ARPP21: variants seen among roughly 807,000 people sequenced by gnomAD.
ARPP21 encodes cAMP-regulated phosphoprotein 21.
In ARPP21, 69 loss-of-function variants were observed where a neutral mutation model predicts 113.2. The ratio of observed to expected loss-of-function variants is 0.61; its 90% CI spans 0.50 to 0.74. The LOEUF is 0.74. Among genes scored for constraint, ARPP21 ranks in the 30% least tolerant of loss-of-function variants. ARPP21 has a pLI of 0.00. For synonymous variants in ARPP21, 368 were observed against 375.5 expected, an observed-to-expected ratio of 0.98 and a Z score of 0.23; for missense variants, 1,070 against 1,037.4, an observed-to-expected ratio of 1.03 and a Z score of -0.43.
intron 19 of ARPP21, among the ~76,000 whole-genome samples, chr3:35,753,117 A>G (rs1455262972): frequency 6.6e-6 from 1 of 150,654 alleles, no homozygotes; most frequent in Non-Finnish European, 1.5e-5. Flanking sequence ...TTTTAGCCAG[A>G]TCTCTTGGTG....
chr3:35,727,827 G>T (rs983363022), intron 14 of ARPP21, among the ~76,000 whole-genome samples: 4 of 152,056 alleles, frequency 2.6e-5, no homozygotes, highest in Non-Finnish European at 4.4e-5. Flanking sequence ...GGGTACTGGG[G>T]TTGCTTGTCT....
At chr3:35,753,227 T>C (rs912359724) in intron 19 of ARPP21, among the ~76,000 whole-genome samples, 1 of 151,930 alleles carries the variant, frequency 6.6e-6, no homozygotes, top group African/African-American at 2.4e-5. Context: ...CTAATTCAAA[T>C]ATAAATAAGA....
intron 19 of ARPP21, among the ~76,000 whole-genome samples, chr3:35,770,661 T>C (rs1437766205): frequency 1.3e-5 from 2 of 152,180 alleles, no homozygotes; most frequent in Non-Finnish European, 2.9e-5. Context: ...ATTTCACAAT[T>C]GCTGAGCACT....
At chr3:35,774,726 G>A (rs991104801) in intron 19 of ARPP21, 6 of 152,144 alleles carry the variant, frequency 3.9e-5, no homozygotes, top group Non-Finnish European at 8.8e-5. Context: ...GTACAATTAA[G>A]TAGAAAAGTG....
At chr3:35,792,108 G>T in intron 19 of ARPP21, 1 of 298,568 alleles carries the variant, frequency 3.3e-6, no homozygotes, top group Non-Finnish European at 6.2e-6. Context: ...TTCTGTTTTT[G>T]TGCCATGAAT....
rs1392026448 is a variant in ARPP21, at chr3:35,746,868, A to G, written c.2137+2903A>G. ...TAAGACTTAAAACTCTACACAGTGA[A>G]TTTTTGTAAAGTGAACTGGACACTA... On this transcript the variant is annotated intron_variant, in intron 19 of 20. Coordinates refer to ENST00000684406, the MANE Select transcript of ARPP21 (RefSeq NM_001385562.1). Among the ~76,000 whole-genome samples the G allele has an allele frequency of 3.3e-5, 5 of 152,166 alleles. No individual in the cohort carries two copies. In the East Asian group the frequency reaches 9.6e-4, roughly 29 times the overall value.
intron 1 of ARPP21, among the ~76,000 whole-genome samples, chr3:35,673,871 T>C (rs980642593): frequency 1.3e-5 from 2 of 152,008 alleles, no homozygotes; most frequent in Non-Finnish European, 2.9e-5. Context: ...TCATGTCAGA[T>C]ATAATGATTA....
chr3:35,687,389 A>G (rs2063648), intron 5 of ARPP21, among the ~76,000 whole-genome samples: 63,039 of 150,236 alleles, frequency 0.42, 13,538 homozygotes, highest in East Asian at 0.56. Flanking sequence ...TTTTTAATAC[A>G]ATGGCTGTGA....
At chr3:35,715,396 A>T (rs202169390) in intron 11 of ARPP21, 43 bp from the exon 12 acceptor site, 25 of 1,572,560 alleles carry the variant, frequency 1.6e-5, no homozygotes, top group Non-Finnish European at 1.9e-5. Flanking sequence ...ATCCCTCAGC[A>T]TATCCAGAAC....
intron 15 of ARPP21, among the ~76,000 whole-genome samples, chr3:35,731,562 T>C (rs1160536949): frequency 6.6e-6 from 1 of 152,196 alleles, no homozygotes; most frequent in Non-Finnish European, 1.5e-5. Context: ...ATATTTATTT[T>C]GTAAATTGAA....
chr3:35,711,578 G>T (rs2091138719), intron 11 of ARPP21, among the ~76,000 whole-genome samples: 1 of 152,194 alleles, frequency 6.6e-6, no homozygotes, highest in South Asian at 2.1e-4. Flanking sequence ...TGTGGGTCAG[G>T]AGTCTGGGAG....
At chr3:35,690,045 A>G (rs2081792045) in intron 7 of ARPP21, 36 bp from the exon 8 acceptor site, 2 of 880,880 alleles carry the variant, frequency 2.3e-6, no homozygotes, top group African/African-American at 3.3e-5. Context: ...AGTGGAACAT[A>G]CATAAAACCT....
chr3:35,739,212 G>A (rs2094524153), intron 17 of ARPP21, 105 bp from the exon 18 acceptor site: 12 of 1,330,266 alleles, frequency 9.0e-6, no homozygotes, highest in Admixed American at 6.7e-5. Flanking sequence ...TGTACTTCCT[G>A]TCTCTCCCAC....
chr3:35,754,118 A>G (rs1191037902), intron 19 of ARPP21, among the ~76,000 whole-genome samples: 3 of 151,912 alleles, frequency 2.0e-5, no homozygotes, highest in Non-Finnish European at 4.4e-5. Flanking sequence ...ATGACCAATA[A>G]GATGCATTAA....
At chr3:35,745,366 A>C (rs1335547692) in intron 19 of ARPP21, among the ~76,000 whole-genome samples, 1 of 152,226 alleles carries the variant, frequency 6.6e-6, no homozygotes, top group Non-Finnish European at 1.5e-5. Flanking sequence ...GTTAATTTAC[A>C]ATCTTGAGGA....
At chr3:35,769,241 A>G (rs1403423630) in intron 19 of ARPP21, among the ~76,000 whole-genome samples, 1 of 152,318 alleles carries the variant, frequency 6.6e-6, no homozygotes, top group African/African-American at 2.4e-5. Context: ...AAAAATTAAC[A>G]GGAAACAACA....
intron 1 of ARPP21, among the ~76,000 whole-genome samples, chr3:35,678,367 A>T (rs1235569200): frequency 6.6e-6 from 1 of 151,986 alleles, no homozygotes; most frequent in African/African-American, 2.4e-5. Flanking sequence ...TTATGCTAAG[A>T]CATATTAGAT....
chr3:35,717,296 A>T lies in ARPP21; in HGVS notation c.936-2A>T, dbSNP rs764104207. The T allele has an allele frequency of 1.9e-6, 3 of 1,589,596 alleles. No homozygotes were observed. Among genetic ancestry groups the T allele is most frequent in the South Asian group, 2.2e-5 (2 of 90,464 alleles). On this transcript the variant is annotated splice_acceptor_variant, in intron 12 of 20. Transcript: ENST00000684406. LOFTEE classifies it high-confidence loss of function. ...CATAAAAATCATGTTTTTCATTTCC[A>T]GTAGGCTCTTGGAAGACAGTAACAT...
At chr3:35,746,888 A>T (rs1247809868) in intron 19 of ARPP21, among the ~76,000 whole-genome samples, 2 of 152,228 alleles carry the variant, frequency 1.3e-5, no homozygotes, top group African/African-American at 4.8e-5. Context: ...AGTGAACTGG[A>T]CACTATACTG....
Sources: gnomAD v4.1 joint callset for allele counts (sites outside exome capture counted in the v4.1 genomes callset) on GRCh38, gnomAD v4.1.1 for gene constraint, MANE v1.5 for transcripts, NCBI Gene and HGNC (gene_info 2026-07-23, HGNC 2026-07-21) for gene names.